The following DUSP1 variants were observed in gnomAD, a reference collection of about 807,000 sequenced individuals.
The protein encoded by DUSP1 is dual specificity phosphatase 1.
In DUSP1, 10 loss-of-function variants were observed where a neutral mutation model predicts 27.4. The observed-to-expected ratio is 0.37, with a 90% CI of 0.23 to 0.62. The LOEUF is 0.62. DUSP1 is among the 20% of genes least tolerant of loss of function. The probability of loss-of-function intolerance (pLI) is 0.68; values close to 1 mark genes in which losing one functional copy is unlikely to be tolerated. For synonymous variants in DUSP1, 262 were observed against 223.6 expected, an observed-to-expected ratio of 1.17 and a Z score of -1.53; for missense variants, 425 against 508.1, an observed-to-expected ratio of 0.84 and a Z score of 1.57.
At position 172,771,139 on chromosome 5, in the gene DUSP1, G is replaced by C; in HGVS notation, c.-187C>G. ...GCTCCGGGCTCCTCGGCTTCTTCGC[G>C]GTTCCCCCGACTGCCCCTCCGACCC... On this transcript the variant is annotated 5_prime_UTR_variant, in exon 1 of 4. Coordinates refer to ENST00000239223, the MANE Select transcript of DUSP1 (RefSeq NM_004417.4). The C allele has an allele frequency of 1.3e-6, 1 of 793,372 alleles. No homozygotes were observed. Among genetic ancestry groups the C allele is most frequent in the Non-Finnish European group, 1.8e-6 (1 of 571,326 alleles). The allele number at this position is 793,372 out of a possible 1,614,324, so 49.1% of individuals were successfully genotyped here. A position where few individuals can be genotyped will look rare whatever the true frequency, so the allele number is the denominator to read the frequency against.
chr5:172,768,678 G>A lies in DUSP1; in HGVS notation c.*84C>T. 1 of 1,439,536 alleles carries A rather than the reference G, an allele frequency of 6.9e-7. No individual in the cohort carries two copies. The highest frequency in any genetic ancestry group is 9.2e-7 in the Non-Finnish European group (1 of 1,091,888). The allele number at this position is 1,439,536 out of a possible 1,614,324, so 89.2% of individuals were successfully genotyped here. On this transcript the variant is annotated 3_prime_UTR_variant, in exon 4 of 4. Coordinates refer to ENST00000239223, the MANE Select transcript of DUSP1 (RefSeq NM_004417.4). ...AATAAATAAGGACCAGCCCTCTCGA[G>A]CCCCTCCCAGAGTTATTGCATTTCT...
chr5:172,768,723 T>G lies in DUSP1; in HGVS notation c.*39A>C, dbSNP rs1759829582. The G allele has an allele frequency of 2.0e-6, 3 of 1,485,470 alleles. No homozygotes were observed. Among genetic ancestry groups the G allele is most frequent in the Non-Finnish European group, 2.7e-6 (3 of 1,116,150 alleles). The allele number at this position is 1,485,470 out of a possible 1,614,324, so 92.0% of individuals were successfully genotyped here. A position where few individuals can be genotyped will look rare whatever the true frequency, so the allele number is the denominator to read the frequency against. Reference sequence around the variant, plus strand: ...ATTTCTCCTCTCAAGGAGCATGGAGTCCCAATGGGATGTGAAGAGCCTCAC... The same window carrying G: ...ATTTCTCCTCTCAAGGAGCATGGAGGCCCAATGGGATGTGAAGAGCCTCAC... On this transcript the variant is annotated 3_prime_UTR_variant, in exon 4 of 4. Coordinates refer to ENST00000239223, the MANE Select transcript of DUSP1 (RefSeq NM_004417.4).
Position 172,769,744 on chromosome 5 carries a change from G to T in DUSP1, c.564C>A (p.His188Gln). The T allele has an allele frequency of 1.2e-6, 2 of 1,614,264 alleles. No homozygotes were observed. Among genetic ancestry groups the T allele is most frequent in the South Asian group, 1.1e-5 (1 of 91,092 alleles). Residue 188 changes from histidine to glutamine, a missense_variant, in exon 3 of 4, where the codon CAC becomes CAA. Transcript: ENST00000239223. ...CATCCAGCATGTCCTTGCGGGAAGC[G>T]TGATACGCACTGCCCAGGTACAGAA... ...LPFLYLGSAY[H>Q]ASRKDMLDAL...
rs1431178299 is a variant in DUSP1 at position 172,768,823 on chromosome 5, T to C, written c.1043A>G (p.His348Arg). Residue 348 changes from histidine (H) to arginine (R), a missense_variant, in exon 4 of 4, where the codon CAC (histidine) becomes CGC (arginine). By Grantham distance (29) the His-to-Arg change is conservative. Coordinates refer to ENST00000239223, the MANE Select transcript of DUSP1 (RefSeq NM_004417.4). The part of the protein sequence containing the change: ...VFNFPVSIPV[H>R]STNSALSYLQ... ...GTAGCTCAGCGCACTGTTCGTGGAG[T>C]GGACAGGGATGGAGACGGGGAAGTT... 4 of 1,576,018 alleles carry C rather than the reference T, an allele frequency of 2.5e-6. No homozygotes were observed. Among genetic ancestry groups the C allele is most frequent in the South Asian group, 1.2e-5 (1 of 84,662 alleles).
rs1203807428 is a variant in DUSP1, at chr5:172,770,214, G to C, written c.460C>G (p.Pro154Ala). 1 of 1,604,686 alleles carries C rather than the reference G, an allele frequency of 6.2e-7. No homozygotes were observed. The highest frequency in any genetic ancestry group is 1.3e-5 in the African/African-American group (1 of 74,234). The change falls in exon 2 of 4, where the codon CCT (proline) becomes GCT (alanine). Residue 154 changes from proline (P) to alanine (A), a missense_variant. Around this residue, in one of 3 missense-constraint regions of DUSP1, gnomAD observed 282 missense variants for 319.3 expected, o/e 0.88. Coordinates refer to ENST00000239223, the MANE Select transcript of DUSP1 (RefSeq NM_004417.4). ...CTGCACCCAGATTCCGCGCTGTCAGGGACGCTAGTACTCAGGGGAAGGCTG... is the reference window on the plus strand; with the variant it reads ...CTGCACCCAGATTCCGCGCTGTCAGCGACGCTAGTACTCAGGGGAAGGCTG... ...GLSLPLSTSVPDSAESGCSSC... is the reference protein window; with the variant it reads ...GLSLPLSTSVADSAESGCSSC...
Position 172,770,940 on chromosome 5 carries a change from C to A in DUSP1, c.13G>T (p.Val5Leu). MVMEVGTLDAGGLRA... is the reference protein window; with the variant it reads MVMELGTLDAGGLRA... ...AGGCCTCCAGCGTCCAGGGTGCCCA[C>A]TTCCATGACCATGGCCGGCCTCAGC... Residue 5 changes from valine (V) to leucine (L), a missense_variant, in exon 1 of 4, where the codon GTG becomes TTG. By Grantham distance (32) the Val-to-Leu change is conservative. This residue lies in a region of DUSP1 where 282 missense variants were observed against 319.3 expected (regional missense o/e 0.88). Coordinates refer to ENST00000239223, the MANE Select transcript of DUSP1 (RefSeq NM_004417.4). The A allele has an allele frequency of 6.5e-7, 1 of 1,531,164 alleles. No homozygotes were observed. 94.8% of individuals were successfully genotyped at this position (1,531,164 alleles called of 1,614,324 possible).
chr5:172,770,083 T>C, intron 2 of DUSP1, 78 bp downstream of exon 2: 1 of 1,511,956 alleles, frequency 6.6e-7, no homozygotes, highest in Non-Finnish European at 8.8e-7. Flanking sequence ...CAGGTCACTT[T>C]CTATATTCTC....
chr5:172,770,966 G>A lies in DUSP1; in HGVS notation c.-14C>T. ...TTCCATGACCATGGCCGGCCTCAGCGCCCCCAGCGTGATCGGCCCTGCGGT... is the reference window on the plus strand; with the variant it reads ...TTCCATGACCATGGCCGGCCTCAGCACCCCCAGCGTGATCGGCCCTGCGGT... On this transcript the variant is annotated 5_prime_UTR_variant, in exon 1 of 4. Transcript: ENST00000239223. 1 of 1,464,338 alleles carries A rather than the reference G, an allele frequency of 6.8e-7. No homozygotes were observed. Among genetic ancestry groups the A allele is most frequent in the Non-Finnish European group, 9.0e-7 (1 of 1,111,210 alleles). The allele number at this position is 1,464,338 out of a possible 1,614,324, so 90.7% of individuals were successfully genotyped here. A position where few individuals can be genotyped will look rare whatever the true frequency, so the allele number is the denominator to read the frequency against.
At position 172,769,578 on chromosome 5, in the gene DUSP1, T is replaced by C; in HGVS notation, c.730A>G (p.Ile244Val). The C allele has an allele frequency of 6.2e-7, 1 of 1,614,182 alleles. No individual in the cohort carries two copies. Among genetic ancestry groups the C allele is most frequent in the Non-Finnish European group, 8.5e-7 (1 of 1,180,004 alleles). ...CCCAGGCATCCATTCCATTTACCTATGAAGTCAATGGCCTCGTTGAACCAG... is the reference window on the plus strand; with the variant it reads ...CCCAGGCATCCATTCCATTTACCTACGAAGTCAATGGCCTCGTTGAACCAG... The part of the protein sequence containing the change: ...SSWFNEAIDF[I>V]DSIKNAGGRV... Residue 244 changes from isoleucine (I) to valine (V), a missense_variant, in exon 3 of 4, where the codon ATA becomes GTA. Physicochemically the swap from Ile to Val is conservative, Grantham distance 29. This residue lies in a region of DUSP1 where 59 missense variants were observed against 108.4 expected (regional missense o/e 0.54). Transcript: ENST00000239223.
rs1023818448 is a variant in DUSP1, at chr5:172,770,288, G to A, written c.386C>T (p.Ser129Leu). ...GCTGCACAGCTCCGGGCAGGAAGCC[G>A]AAAACGCTTCGTATCCTCCTGGGAA... is the stretch of plus-strand genomic sequence containing the variant. ...FFLKGGYEAF[S>L]ASCPELCSKQ... The change falls in exon 2 of 4, where the codon TCG becomes TTG. Residue 129 changes from serine (S) to leucine (L), a missense_variant. Ser to Leu is a moderately radical substitution (Grantham distance 145). Transcript: ENST00000239223. 4 of 1,611,260 alleles carry A rather than the reference G, an allele frequency of 2.5e-6. No homozygotes were observed. The highest frequency in any genetic ancestry group is 1.3e-5 in the African/African-American group (1 of 74,842).
In DUSP1 at chr5:172,768,785, T is replaced by A; in HGVS notation, c.1081A>T (p.Ile361Phe). 1 of 1,524,300 alleles carries A rather than the reference T, an allele frequency of 6.6e-7. No individual in the cohort carries two copies. Among genetic ancestry groups the A allele is most frequent in the African/African-American group, 1.4e-5 (1 of 72,300 alleles). 94.4% of individuals were successfully genotyped at this position (1,524,300 alleles called of 1,614,324 possible). A position where few individuals can be genotyped will look rare whatever the true frequency, so the allele number is the denominator to read the frequency against. Residue 361 changes from isoleucine (I) to phenylalanine (F), a missense_variant, in exon 4 of 4, where the codon ATT becomes TTT. By Grantham distance (21) the Ile-to-Phe change is conservative (BLOSUM62 0). Coordinates refer to ENST00000239223, the MANE Select transcript of DUSP1 (RefSeq NM_004417.4). Reference sequence around the variant, plus strand: ...TTTCAGCAGCTGGGAGAGGTCGTAATGGGGCTCTGAAGGTAGCTCAGCGCA... The same window carrying A: ...TTTCAGCAGCTGGGAGAGGTCGTAAAGGGGCTCTGAAGGTAGCTCAGCGCA... Reference protein sequence around the residue: ...NSALSYLQSPITTSPSC With the variant: ...NSALSYLQSPFTTSPSC
chr5:172,768,598 ACGCTAAGTCATCAC>A lies in DUSP1; in HGVS notation c.*150_*163del. On this transcript the variant is annotated 3_prime_UTR_variant, in exon 4 of 4. Transcript: ENST00000239223. ...TGTGCTGAGTTCAGCAAATGTCTTGACGCTAAGTCATCACCATAACTGCTTAGAAACCCAGAGGA... is the reference window on the plus strand; with the variant it reads ...TGTGCTGAGTTCAGCAAATGTCTTGACATAACTGCTTAGAAACCCAGAGGA... The A allele has an allele frequency of 1.0e-6, 1 of 960,802 alleles. No individual in the cohort carries two copies. The highest frequency in any genetic ancestry group is 3.1e-5 in the East Asian group (1 of 31,950). The allele number at this position is 960,802 out of a possible 1,614,324, so 59.5% of individuals were successfully genotyped here.
At chr5:172,769,349 TA>T (rs1190619572) in intron 3 of DUSP1, among the ~76,000 whole-genome samples, 1 of 152,216 alleles carries the variant, frequency 6.6e-6, no homozygotes, top group Non-Finnish European at 1.5e-5. Context: ...ACTTAGCAGA[TA>T]GATCTCAGAC....
rs34013988 is a variant in DUSP1, at chr5:172,770,787, C to T, written c.166G>A (p.Ala56Thr). The change falls in exon 1 of 4, where the codon GCC (alanine) becomes ACC (threonine). Residue 56 changes from alanine (A) to threonine (T), a missense_variant. Around this residue, in one of 3 missense-constraint regions of DUSP1, gnomAD observed 282 missense variants for 319.3 expected, o/e 0.88. Transcript: ENST00000239223. ...VRFSTIVRRR[A>T]KGAMGLEHIV... Reference sequence around the variant, plus strand: ...TGCTCCAGGCCCATGGCGCCCTTGGCCCGGCGCCGCACGATGGTGCTGAAG... The same window carrying T: ...TGCTCCAGGCCCATGGCGCCCTTGGTCCGGCGCCGCACGATGGTGCTGAAG... 0.032 allele frequency: 47,922 copies of T among 1,504,558 alleles called. 892 individuals are homozygous for T. Among genetic ancestry groups the T allele is most frequent in the Non-Finnish European group, 0.038 (42,816 of 1,132,252 alleles). 93.2% of individuals were successfully genotyped at this position (1,504,558 alleles called of 1,614,324 possible). A position where few individuals can be genotyped will look rare whatever the true frequency, so the allele number is the denominator to read the frequency against.
In DUSP1 at chr5:172,770,325, T is replaced by C; in HGVS notation, c.368-19A>G. On this transcript the variant is annotated intron_variant, in intron 1 of 3. Coordinates refer to ENST00000239223, the MANE Select transcript of DUSP1 (RefSeq NM_004417.4). ...TATCCTCCTGGGAATACAAAGACAT[T>C]TTTTTTCCCCATTAGTGACACCGGG... 2 of 1,610,400 alleles carry C rather than the reference T, an allele frequency of 1.2e-6. No individual in the cohort carries two copies. Among genetic ancestry groups the C allele is most frequent in the East Asian group, 2.3e-5 (1 of 44,428 alleles).
chr5:172,770,057 G>A, intron 2 of DUSP1, 104 bp downstream of exon 2: 1 of 1,462,950 alleles, frequency 6.8e-7, no homozygotes, highest in Non-Finnish European at 9.1e-7. Context: ...TGTCCCCTCC[G>A]TTATAAATAA....
In DUSP1 at chr5:172,770,311, G is replaced by A; in HGVS notation, c.368-5C>T. 6.2e-7 allele frequency: 1 copy of A among 1,610,522 alleles called. No homozygotes were observed. Among genetic ancestry groups the A allele is most frequent in the Non-Finnish European group, 8.5e-7 (1 of 1,178,612 alleles). ...CCGAAAACGCTTCGTATCCTCCTGG[G>A]AATACAAAGACATTTTTTTTCCCCA... On this transcript the variant is annotated splice_polypyrimidine_tract_variant and splice_region_variant and intron_variant, in intron 1 of 3. Coordinates refer to ENST00000239223, the MANE Select transcript of DUSP1 (RefSeq NM_004417.4).
At chr5:172,769,826 G>C (rs1288624310) in intron 2 of DUSP1, 32 bp from the exon 3 acceptor site, 6 of 1,602,316 alleles carry the variant, frequency 3.7e-6, no homozygotes, top group Non-Finnish European at 5.1e-6. Context: ...CATTCATCAA[G>C]CTTGCTCAAA....
At chr5:172,769,459 T>C in intron 3 of DUSP1, 116 bp downstream of exon 3, 1 of 1,135,200 alleles carries the variant, frequency 8.8e-7, no homozygotes, top group Non-Finnish European at 1.3e-6. Context: ...ACCAGACTGA[T>C]ACTGAATGTG....
Sources: allele counts gnomAD v4.1 joint callset (sites outside exome capture counted in the v4.1 genomes callset), GRCh38; gene constraint gnomAD v4.1.1; regional missense constraint gnomAD v4.1.1; transcripts MANE v1.5; gene names NCBI Gene and HGNC (gene_info 2026-07-23, HGNC 2026-07-21).